Variants in GALNTL6 observed in about 807,000 individuals in gnomAD.
GALNTL6 encodes polypeptide N-acetylgalactosaminyltransferase-like 6.
A neutral mutation model predicts 73.7 loss-of-function variants in GALNTL6; 46 were observed. That is an observed-to-expected ratio of 0.62 (90% confidence interval 0.49 to 0.80). The LOEUF (loss-of-function observed/expected upper bound fraction) is 0.80, where lower values mean the gene tolerates loss of function less well. Among genes scored for constraint, GALNTL6 ranks in the 30% least tolerant of loss-of-function variants. The pLI, the probability that GALNTL6 is intolerant of heterozygous loss-of-function variation, is 0.00. For synonymous variants in GALNTL6, 259 were observed against 263.7 expected, an observed-to-expected ratio of 0.98 and a Z score of 0.17; for missense variants, 604 against 755.0, an observed-to-expected ratio of 0.80 and a Z score of 2.34.
chr4:172,060,925 T>TG (rs1299821598), intron 2 of GALNTL6, among the ~76,000 whole-genome samples: 2 of 152,176 alleles, frequency 1.3e-5, no homozygotes, highest in Non-Finnish European at 2.9e-5. Context: ...CCATATTACA[T>TG]GGGCTCTAAG....
chr4:172,658,972 A>C (rs1456932159), intron 5 of GALNTL6, among the ~76,000 whole-genome samples: 4 of 152,250 alleles, frequency 2.6e-5, no homozygotes, highest in Non-Finnish European at 4.4e-5. Flanking sequence ...ATTTAATGTA[A>C]GAATGCATGA....
chr4:172,323,621 A>G (rs139838943), intron 4 of GALNTL6, among the ~76,000 whole-genome samples: 100 of 152,244 alleles, frequency 6.6e-4, no homozygotes, highest in African/African-American at 2.2e-3. Context: ...AACATGTCAG[A>G]TCCTTTATAT....
At chr4:172,202,929 G>A (rs1353583109) in intron 2 of GALNTL6, among the ~76,000 whole-genome samples, 2 of 151,916 alleles carry the variant, frequency 1.3e-5, no homozygotes, top group Non-Finnish European at 2.9e-5. Context: ...AGGCTTGAGA[G>A]GAAAACAATT....
intron 5 of GALNTL6, among the ~76,000 whole-genome samples, chr4:172,799,016 G>C (rs1740447938): frequency 6.6e-6 from 1 of 152,182 alleles, no homozygotes; most frequent in Non-Finnish European, 1.5e-5. Context: ...ATGGGAAGAA[G>C]ATAAGATATT....
At chr4:172,315,415 C>T (rs182258054) in intron 4 of GALNTL6, among the ~76,000 whole-genome samples, 12 of 152,314 alleles carry the variant, frequency 7.9e-5, no homozygotes, top group African/African-American at 2.6e-4. Flanking sequence ...AGGCATGCGC[C>T]ACCACACCTG....
At chr4:172,631,583 A>G (rs1205921004) in intron 5 of GALNTL6, among the ~76,000 whole-genome samples, 1 of 152,226 alleles carries the variant, frequency 6.6e-6, no homozygotes, top group Non-Finnish European at 1.5e-5. Context: ...GTTCTATTCA[A>G]CCTGCTAAGA....
At chr4:172,951,877 C>G (rs17059052) in intron 9 of GALNTL6, among the ~76,000 whole-genome samples, 160 bp from the exon 10 acceptor site, 5,642 of 152,304 alleles carry the variant, frequency 0.037, 238 homozygotes, top group African/African-American at 0.097. Flanking sequence ...TATCATACCC[C>G]TTGCTGTTAC....
intron 5 of GALNTL6, among the ~76,000 whole-genome samples, chr4:172,777,669 T>C (rs543578633): frequency 4.3e-4 from 65 of 152,328 alleles, no homozygotes; most frequent in African/African-American, 1.5e-3. Flanking sequence ...TTTCTATTTA[T>C]GATTTGATAT....
intron 2 of GALNTL6, among the ~76,000 whole-genome samples, chr4:171,992,673 C>T (rs866732424): frequency 2.0e-5 from 3 of 151,942 alleles, no homozygotes; most frequent in Non-Finnish European, 4.4e-5. Flanking sequence ...TAAAATCTTG[C>T]AGTAAACAAG....
In GALNTL6 at chr4:172,242,563, C is replaced by G. The variant is rs190366152; in HGVS notation, c.247+12799C>G. Among the ~76,000 whole-genome samples the G allele has an allele frequency of 1.1e-4, 17 of 152,276 alleles. No homozygotes were observed. In the East Asian group the frequency reaches 1.4e-3, roughly 12 times the overall value. On this transcript the variant is annotated intron_variant, in intron 3 of 12. Coordinates refer to ENST00000506823, the MANE Select transcript of GALNTL6 (RefSeq NM_001034845.3). ...CTATTTTGTTGAAACAGATTATACTCTCATCTAATCAATGTATGTATTCCA... is the reference window on the plus strand; with the variant it reads ...CTATTTTGTTGAAACAGATTATACTGTCATCTAATCAATGTATGTATTCCA...
intron 4 of GALNTL6, among the ~76,000 whole-genome samples, chr4:172,318,914 T>C (rs1483726421): frequency 6.6e-6 from 1 of 152,064 alleles, no homozygotes; most frequent in Non-Finnish European, 1.5e-5. Context: ...AAGGATCAAA[T>C]AAATAAAACT....
Position 172,569,355 on chromosome 4 carries a change from A to C in GALNTL6, c.553+220666A>C, listed in dbSNP as rs371834808. 1.5e-3 allele frequency among the ~76,000 whole-genome samples: 235 copies of C among 152,278 alleles called. 11 individuals carry two copies. In the South Asian group the frequency reaches 0.048, roughly 31 times the overall value. ...GCCCATTCATGAGATTTCCACCCTC[A>C]TGACCTAATCACCACTGAAAGGCCC... On this transcript the variant is annotated intron_variant, in intron 5 of 12. Transcript: ENST00000506823.
chr4:172,976,163 G>A (rs1750803213), intron 10 of GALNTL6, among the ~76,000 whole-genome samples: 1 of 152,170 alleles, frequency 6.6e-6, no homozygotes, highest in Admixed American at 6.5e-5. Flanking sequence ...ATTTAAAAAG[G>A]AGAGAGAAAA....
chr4:172,161,426 T>A (rs1015371634), intron 2 of GALNTL6, among the ~76,000 whole-genome samples: 2 of 151,944 alleles, frequency 1.3e-5, no homozygotes, highest in African/African-American at 4.8e-5. Context: ...ATGTAGGCTT[T>A]GTTTTAGTGG....
At chr4:171,871,429 G>A (rs1009690425) in intron 2 of GALNTL6, among the ~76,000 whole-genome samples, 3 of 151,938 alleles carry the variant, frequency 2.0e-5, no homozygotes, top group Non-Finnish European at 4.4e-5. Context: ...TGTGGATAAG[G>A]GGGGACTGTT....
At chr4:172,373,683 T>A (rs1742910677) in intron 5 of GALNTL6, among the ~76,000 whole-genome samples, 1 of 152,186 alleles carries the variant, frequency 6.6e-6, no homozygotes. Flanking sequence ...TTGTCCCCTA[T>A]ATTCATGTAG....
chr4:172,319,787 A>G (rs182892866), intron 4 of GALNTL6, among the ~76,000 whole-genome samples: 45 of 152,302 alleles, frequency 3.0e-4, no homozygotes, highest in African/African-American at 1.0e-3. Context: ...TCCCTGGTGA[A>G]GTTGGTGAAA....
chr4:171,968,465 T>C lies in GALNTL6; in HGVS notation c.138+153747T>C, dbSNP rs534462579. ...CATCTTCAAGTGCTTCTTCTCTATGTTTGTGTCCTTTCTTCCTCTTCCTGT... is the reference window on the plus strand; with the variant it reads ...CATCTTCAAGTGCTTCTTCTCTATGCTTGTGTCCTTTCTTCCTCTTCCTGT... On this transcript the variant is annotated intron_variant, in intron 2 of 12. Coordinates refer to ENST00000506823, the MANE Select transcript of GALNTL6 (RefSeq NM_001034845.3). 4.1e-4 allele frequency among the ~76,000 whole-genome samples: 62 copies of C among 152,336 alleles called. 1 individual carries two copies. The South Asian group carries it at 0.012, about 28-fold the overall frequency.
At chr4:172,848,793 G>T (rs1013948199) in intron 7 of GALNTL6, among the ~76,000 whole-genome samples, 2 of 152,172 alleles carry the variant, frequency 1.3e-5, no homozygotes, top group African/African-American at 4.8e-5. Context: ...GGGAGTAAGG[G>T]TTCTTCTCCA....
Sources: gnomAD v4.1 joint callset for allele counts (sites outside exome capture counted in the v4.1 genomes callset) on GRCh38, gnomAD v4.1.1 for gene constraint, MANE v1.5 for transcripts, NCBI Gene and HGNC (gene_info 2026-07-23, HGNC 2026-07-21) for gene names.